The following PEPD variants were observed in gnomAD, a reference collection of about 807,000 sequenced individuals.
PEPD encodes the protein xaa-Pro dipeptidase.
In PEPD, 53 loss-of-function variants were observed where a neutral mutation model predicts 60.7. The ratio of observed to expected loss-of-function variants is 0.87; its 90% CI spans 0.70 to 1.10. The LOEUF (loss-of-function observed/expected upper bound fraction) is 1.10, where lower values mean the gene tolerates loss of function less well. Ranked by LOEUF, PEPD falls within the 50% of genes least tolerant of loss-of-function variation. The pLI, the probability that PEPD is intolerant of heterozygous loss-of-function variation, is 0.00. For synonymous variants in PEPD, 267 were observed against 284.1 expected (o/e 0.94, Z 0.60); for missense variants, 711 against 711.9 (o/e 1.00, Z 0.01).
chr19:33,455,391 G>C (rs949834488), intron 9 of PEPD, among the ~76,000 whole-genome samples: 1 of 151,798 alleles, frequency 6.6e-6, no homozygotes. Flanking sequence ...GATAAAATTC[G>C]ACATCCTTTC....
At chr19:33,394,273 C>A (rs1422122485) in intron 12 of PEPD, among the ~76,000 whole-genome samples, 6 of 152,266 alleles carry the variant, frequency 3.9e-5, no homozygotes, top group African/African-American at 1.4e-4. Context: ...GCTTTCCAAC[C>A]AGGCTAACTT....
intron 1 of PEPD, among the ~76,000 whole-genome samples, chr19:33,520,451 T>C (rs1971109812): frequency 6.6e-6 from 1 of 152,180 alleles, no homozygotes; most frequent in Non-Finnish European, 1.5e-5. Context: ...CCACACTTTA[T>C]CTGAGCTCAG....
intron 9 of PEPD, among the ~76,000 whole-genome samples, chr19:33,452,337 A>G (rs892091652): frequency 1.3e-5 from 2 of 152,244 alleles, no homozygotes; most frequent in African/African-American, 4.8e-5. Flanking sequence ...GCCAAAATCT[A>G]TTTATTACTA....
intron 9 of PEPD, among the ~76,000 whole-genome samples, chr19:33,423,006 G>A (rs895863406): frequency 5.3e-5 from 8 of 150,764 alleles, no homozygotes; most frequent in Admixed American, 1.3e-4. Context: ...CCTACCTATC[G>A]TCTATCCATC....
intron 12 of PEPD, among the ~76,000 whole-genome samples, chr19:33,398,974 G>A (rs1046242112): frequency 6.6e-6 from 1 of 152,098 alleles, no homozygotes; most frequent in Non-Finnish European, 1.5e-5. Flanking sequence ...CATACTCAGG[G>A]GTGGCAGCTC....
At chr19:33,506,278 C>A (rs1970807136) in intron 3 of PEPD, among the ~76,000 whole-genome samples, 1 of 145,818 alleles carries the variant, frequency 6.9e-6, no homozygotes, top group Non-Finnish European at 1.5e-5. Context: ...ATCACAAAAA[C>A]CCTACACACT....
At chr19:33,416,873 G>A (rs181473714) in intron 9 of PEPD, among the ~76,000 whole-genome samples, 1 of 152,326 alleles carries the variant, frequency 6.6e-6, no homozygotes, top group East Asian at 1.9e-4. Flanking sequence ...GTGTCAGTGG[G>A]GCAGGCACAT....
chr19:33,495,715 T>C (rs1600162182), intron 4 of PEPD, among the ~76,000 whole-genome samples: 1 of 151,956 alleles, frequency 6.6e-6, no homozygotes, highest in South Asian at 2.1e-4. Context: ...CTGGGTGTGG[T>C]GGCTCATGCC....
chr19:33,460,413 C>T (rs1258523449), intron 9 of PEPD, among the ~76,000 whole-genome samples: 1 of 152,142 alleles, frequency 6.6e-6, no homozygotes, highest in Non-Finnish European at 1.5e-5. Flanking sequence ...GGGGCTTCAA[C>T]CTGGACACTG....
chr19:33,455,411 T>G (rs182534315), intron 9 of PEPD, among the ~76,000 whole-genome samples: 2 of 151,864 alleles, frequency 1.3e-5, no homozygotes, highest in Non-Finnish European at 2.9e-5. Context: ...CCTGATAAAA[T>G]CTAGTAAGCC....
chr19:33,438,964 C>T (rs1295787295), intron 9 of PEPD, among the ~76,000 whole-genome samples: 3 of 152,244 alleles, frequency 2.0e-5, no homozygotes, highest in East Asian at 3.8e-4. Context: ...AAGTGATCCA[C>T]CTGCCTTGGC....
intron 11 of PEPD, among the ~76,000 whole-genome samples, chr19:33,410,102 G>C (rs531751109): frequency 6.6e-6 from 1 of 152,380 alleles, no homozygotes; most frequent in South Asian, 2.1e-4. Context: ...CGTGGAGCCA[G>C]TGCTGTCGGG....
chr19:33,468,693 T>C (rs1970065261), intron 7 of PEPD, among the ~76,000 whole-genome samples: 1 of 152,166 alleles, frequency 6.6e-6, no homozygotes, highest in Non-Finnish European at 1.5e-5. Context: ...GCGGGCACCC[T>C]GCAGCGCAGC....
chr19:33,514,860 C>T (rs542808029), intron 1 of PEPD, among the ~76,000 whole-genome samples: 40 of 152,156 alleles, frequency 2.6e-4, no homozygotes, highest in African/African-American at 7.9e-4. Flanking sequence ...TCTCCTCCTG[C>T]CCCTAGCCTC....
intron 7 of PEPD, among the ~76,000 whole-genome samples, chr19:33,473,846 T>TG (rs1970169726): frequency 6.6e-6 from 1 of 152,082 alleles, no homozygotes; most frequent in African/African-American, 2.4e-5. Flanking sequence ...CTCATGTTTG[T>TG]GGGGAAGAGT....
At chr19:33,496,304 T>C (rs1340790368) in intron 4 of PEPD, among the ~76,000 whole-genome samples, 2 of 152,084 alleles carry the variant, frequency 1.3e-5, no homozygotes, top group East Asian at 3.9e-4. Flanking sequence ...TTAGGAATAA[T>C]GGAGGAGGGG....
intron 7 of PEPD, among the ~76,000 whole-genome samples, chr19:33,471,561 T>C (rs920439528): frequency 2.0e-5 from 3 of 152,160 alleles, no homozygotes; most frequent in African/African-American, 7.2e-5. Flanking sequence ...ATGGTCACAC[T>C]CAGTCCCAGC....
chr19:33,436,611 T>A (rs888153221), intron 9 of PEPD, among the ~76,000 whole-genome samples: 1 of 152,188 alleles, frequency 6.6e-6, no homozygotes, highest in African/African-American at 2.4e-5. Context: ...CACCACAAAT[T>A]CCACCTTTAT....
intron 3 of PEPD, among the ~76,000 whole-genome samples, chr19:33,507,684 G>T (rs527658419): frequency 1.3e-5 from 2 of 152,148 alleles, no homozygotes; most frequent in East Asian, 1.9e-4. Context: ...AGGTACTCCC[G>T]TCAGCCTCGC....
Sources: gnomAD v4.1 joint callset for allele counts (sites outside exome capture counted in the v4.1 genomes callset) on GRCh38, gnomAD v4.1.1 for gene constraint, MANE v1.5 for transcripts, NCBI Gene and HGNC (gene_info 2026-07-23, HGNC 2026-07-21) for gene names.